The following FAR1 variants were observed in gnomAD, a reference collection of about 807,000 sequenced individuals.
The protein encoded by FAR1 is fatty acyl-CoA reductase 1.
FAR1 carries 22 observed loss-of-function variants against 61.1 expected under a neutral mutation model. The ratio of observed to expected loss-of-function variants is 0.36; its 90% CI spans 0.26 to 0.51. The LOEUF (loss-of-function observed/expected upper bound fraction) is 0.51, where lower values mean the gene tolerates loss of function less well. Ranked by LOEUF, FAR1 falls within the 20% of genes least tolerant of loss-of-function variation. FAR1 has a pLI of 0.95. For missense variants in FAR1, 359 were observed against 626.9 expected, an observed-to-expected ratio of 0.57 and a Z score of 4.56; for synonymous variants, 206 against 209.7, an observed-to-expected ratio of 0.98 and a Z score of 0.15.
At chr11:13,702,829 C>T (rs972882619) in intron 3 of FAR1, among the ~76,000 whole-genome samples, 4 of 152,304 alleles carry the variant, frequency 2.6e-5, no homozygotes, top group African/African-American at 7.2e-5. Context: ...GGAAGCTTTA[C>T]AAGGAGGACC....
At chr11:13,724,891 G>GAGCCA in intron 10 of FAR1, among the ~76,000 whole-genome samples, 1 of 152,244 alleles carries the variant, frequency 6.6e-6, no homozygotes, top group South Asian at 2.1e-4. Context: ...GCAGAACCAT[G>GAGCCA]AGCCAGTTAA....
At chr11:13,701,773 A>G (rs1231182179) in intron 3 of FAR1, among the ~76,000 whole-genome samples, 2 of 152,040 alleles carry the variant, frequency 1.3e-5, no homozygotes, top group African/African-American at 4.8e-5. Flanking sequence ...TTTCTCATTA[A>G]TTATTTTATT....
chr11:13,700,233 C>T, intron 2 of FAR1, 84 bp from the exon 3 acceptor site: 1 of 1,003,890 alleles, frequency 1.0e-6, no homozygotes, highest in East Asian at 2.8e-5. Flanking sequence ...AAATAGTCAT[C>T]CTTGGTGGGA....
chr11:13,670,261 T>A (rs1591250245), intron 1 of FAR1: 1 of 152,064 alleles, frequency 6.6e-6, no homozygotes, highest in Non-Finnish European at 1.5e-5. Flanking sequence ...TCCATAAAAT[T>A]ATTTTATAAT....
At chr11:13,702,720 T>A (rs781718634) in intron 3 of FAR1, among the ~76,000 whole-genome samples, 5 of 152,218 alleles carry the variant, frequency 3.3e-5, no homozygotes, top group Non-Finnish European at 7.4e-5. Context: ...CATACGTAGA[T>A]ATTGGCTAAT....
At chr11:13,673,212 A>G (rs2134165023) in intron 1 of FAR1, among the ~76,000 whole-genome samples, 1 of 152,358 alleles carries the variant, frequency 6.6e-6, no homozygotes, top group African/African-American at 2.4e-5. Context: ...GACTTATTAC[A>G]GTCTCCTAAA....
rs189648775 is a variant in FAR1, at chr11:13,722,005, G to A, written c.1257+146G>A. On this transcript the variant is annotated intron_variant, in intron 10 of 11. Coordinates refer to ENST00000354817, the MANE Select transcript of FAR1 (RefSeq NM_032228.6). ...CTCTCATAAAGCTTTAGTCATAATT[G>A]TTAGTGGTGAAATAAAATTGCTGTA... The A allele has an allele frequency of 9.6e-4, 591 of 616,796 alleles. 1 individual carries two copies. The highest frequency in any genetic ancestry group is 9.4e-3 in the African/African-American group (490 of 52,204). The allele number at this position is 616,796 out of a possible 1,614,324, so 38.2% of individuals were successfully genotyped here. A position where few individuals can be genotyped will look rare whatever the true frequency, so the allele number is the denominator to read the frequency against.
chr11:13,726,434 C>A (rs1359454915), intron 10 of FAR1, among the ~76,000 whole-genome samples: 3 of 152,084 alleles, frequency 2.0e-5, no homozygotes, highest in East Asian at 1.9e-4. Context: ...CTTTATTTTT[C>A]AAGGATATTT....
intron 9 of FAR1, chr11:13,720,058 A>G (rs1848594185): frequency 6.6e-6 from 1 of 152,176 alleles, no homozygotes; most frequent in Admixed American, 6.5e-5. Flanking sequence ...TTGTTGCATG[A>G]TAAATATTCT....
chr11:13,720,802 TTC>T (rs1183798809), intron 9 of FAR1: 3 of 152,110 alleles, frequency 2.0e-5, no homozygotes, highest in Non-Finnish European at 4.4e-5. Context: ...TCTCCAAAAA[TTC>T]TTTTTCTGTT....
At chr11:13,719,290 C>A (rs1355547759) in intron 9 of FAR1, among the ~76,000 whole-genome samples, 2 of 152,048 alleles carry the variant, frequency 1.3e-5, no homozygotes, top group African/African-American at 4.8e-5. Flanking sequence ...CCTTGACCTC[C>A]GGGAGCTTAT....
intron 3 of FAR1, among the ~76,000 whole-genome samples, chr11:13,700,989 T>G (rs73424780): frequency 0.012 from 1,777 of 152,150 alleles, 41 homozygotes; most frequent in African/African-American, 0.041. Flanking sequence ...AAATTTAATT[T>G]AAAAAATAAT....
At chr11:13,717,276 G>C (rs2134196174) in intron 9 of FAR1, among the ~76,000 whole-genome samples, 1 of 152,102 alleles carries the variant, frequency 6.6e-6, no homozygotes, top group South Asian at 2.1e-4. Flanking sequence ...TGTCAGCATA[G>C]CTCCTCAAGT....
intron 3 of FAR1, among the ~76,000 whole-genome samples, chr11:13,702,590 G>C (rs961765318): frequency 3.9e-5 from 6 of 152,086 alleles, no homozygotes; most frequent in Admixed American, 2.0e-4. Context: ...AAATTCATTA[G>C]TGTGAAATGG....
chr11:13,714,704 A>T, intron 9 of FAR1, 24 bp downstream of exon 9: 1 of 1,582,698 alleles, frequency 6.3e-7, no homozygotes, highest in Non-Finnish European at 8.6e-7. Context: ...GCTCTGTCTT[A>T]TCTGTTCCTC....
chr11:13,718,709 A>G (rs949010913), intron 9 of FAR1, among the ~76,000 whole-genome samples: 2 of 152,218 alleles, frequency 1.3e-5, no homozygotes, highest in African/African-American at 4.8e-5. Context: ...TGTGTGTCAC[A>G]ATATCTGTGG....
In FAR1 at chr11:13,727,692, G is replaced by A; in HGVS notation, c.1385+9G>A. On this transcript the variant is annotated intron_variant, in intron 11 of 11. Coordinates refer to ENST00000354817, the MANE Select transcript of FAR1 (RefSeq NM_032228.6). ...AGAAAACATCTGAACAAGTGAGTTTGATGCATGGATTTGATTGCTTCTTGT... is the reference window on the plus strand; with the variant it reads ...AGAAAACATCTGAACAAGTGAGTTTAATGCATGGATTTGATTGCTTCTTGT... 2 of 1,591,594 alleles carry A rather than the reference G, an allele frequency of 1.3e-6. No individual in the cohort carries two copies.
At chr11:13,708,447 G>GCGCGCACACACACACACA (rs139902063) in intron 4 of FAR1, among the ~76,000 whole-genome samples, 111 of 136,722 alleles carry the variant, frequency 8.1e-4, no homozygotes, top group African/African-American at 1.4e-3. Flanking sequence ...GCGCGCGCGC[G>GCGCGCACACACACACACA]CACACACACA....
chr11:13,702,650 T>G (rs1347477365), intron 3 of FAR1, among the ~76,000 whole-genome samples: 1 of 152,192 alleles, frequency 6.6e-6, no homozygotes, highest in Non-Finnish European at 1.5e-5. Flanking sequence ...ATTATTTCCT[T>G]CATAGACAAA....
Sources: allele counts gnomAD v4.1 joint callset (sites outside exome capture counted in the v4.1 genomes callset), GRCh38; gene constraint gnomAD v4.1.1; transcripts MANE v1.5; gene names NCBI Gene and HGNC (gene_info 2026-07-23, HGNC 2026-07-21).